Variants in PCGF5 observed in about 807,000 individuals in gnomAD.
PCGF5 encodes the protein polycomb group RING finger protein 5.
Under a neutral mutation model 44.3 loss-of-function variants are expected in PCGF5, and 9 were observed. The ratio of observed to expected loss-of-function variants is 0.20; its 90% CI spans 0.12 to 0.35. The LOEUF (loss-of-function observed/expected upper bound fraction) is 0.35, where lower values mean the gene tolerates loss of function less well. Ranked by LOEUF, PCGF5 falls within the 10% of genes least tolerant of loss-of-function variation. The pLI is 1.00. For missense variants in PCGF5, 146 were observed against 305.3 expected (o/e 0.48, Z 3.89); for synonymous variants, 95 against 102.5 (o/e 0.93, Z 0.44).
chr10:91,246,284 A>T (rs1845458183), intron 3 of PCGF5, among the ~76,000 whole-genome samples: 1 of 152,160 alleles, frequency 6.6e-6, no homozygotes, highest in Non-Finnish European at 1.5e-5. Flanking sequence ...TTTACGAATG[A>T]CCTTGTCTTG....
At chr10:91,206,083 C>G (rs1439246253) in intron 1 of PCGF5, among the ~76,000 whole-genome samples, 2 of 152,140 alleles carry the variant, frequency 1.3e-5, no homozygotes, top group Admixed American at 6.5e-5. Flanking sequence ...TTGGCAACAG[C>G]CTAACAATAA....
chr10:91,196,360 T>C (rs1333528900), intron 1 of PCGF5, among the ~76,000 whole-genome samples: 1 of 152,200 alleles, frequency 6.6e-6, no homozygotes, highest in Non-Finnish European at 1.5e-5. Context: ...GTTTATATAT[T>C]AGACTTTCTA....
At chr10:91,234,392 C>T (rs903172350) in intron 2 of PCGF5, among the ~76,000 whole-genome samples, 3 of 152,194 alleles carry the variant, frequency 2.0e-5, no homozygotes, top group Non-Finnish European at 2.9e-5. Flanking sequence ...CCTCACCCTA[C>T]CCCAGTAAAA....
intron 2 of PCGF5, chr10:91,227,273 G>A (rs1389906355): frequency 2.0e-6 from 1 of 490,444 alleles, no homozygotes; most frequent in African/African-American, 2.0e-5. Flanking sequence ...TGTATTCTGA[G>A]ACTTCAGCTA....
intron 1 of PCGF5, among the ~76,000 whole-genome samples, chr10:91,211,756 T>C (rs1348231143): frequency 1.3e-5 from 2 of 152,152 alleles, no homozygotes; most frequent in African/African-American, 4.8e-5. Context: ...AAGCTAGAGG[T>C]TGGCATTCAC....
chr10:91,277,176 A>G (rs1222939687), intron 9 of PCGF5, among the ~76,000 whole-genome samples: 1 of 152,316 alleles, frequency 6.6e-6, no homozygotes, highest in East Asian at 1.9e-4. Context: ...CTGAATGGTT[A>G]CAGATTCCAA....
At chr10:91,237,568 C>T (rs1017776121) in intron 2 of PCGF5, among the ~76,000 whole-genome samples, 1 of 152,104 alleles carries the variant, frequency 6.6e-6, no homozygotes, top group African/African-American at 2.4e-5. Context: ...CATGGCGAAA[C>T]CCCGTCTCTA....
At chr10:91,247,050 C>T (rs771771767) in intron 3 of PCGF5, among the ~76,000 whole-genome samples, 2 of 151,558 alleles carry the variant, frequency 1.3e-5, no homozygotes, top group Non-Finnish European at 2.9e-5. Context: ...TTTGAAGCCA[C>T]AAAAGCAGAT....
At chr10:91,166,307 G>T (rs969207086) in intron 1 of PCGF5, among the ~76,000 whole-genome samples, 3 of 152,140 alleles carry the variant, frequency 2.0e-5, no homozygotes, top group Non-Finnish European at 4.4e-5. Flanking sequence ...ATTCACCTTT[G>T]TATCCTCCCA....
chr10:91,227,189 A>C (rs1844864912), intron 2 of PCGF5: 1 of 378,100 alleles, frequency 2.6e-6, no homozygotes, highest in Non-Finnish European at 5.1e-6. Flanking sequence ...TATTGAGCAA[A>C]CTTATATGCC....
At chr10:91,266,952 C>G (rs1245019163) in intron 8 of PCGF5, among the ~76,000 whole-genome samples, 3 of 152,178 alleles carry the variant, frequency 2.0e-5, no homozygotes, top group African/African-American at 7.2e-5. Flanking sequence ...CCTCACACAG[C>G]AGCCAGCGTG....
intron 2 of PCGF5, among the ~76,000 whole-genome samples, chr10:91,229,145 T>C (rs1446214236): frequency 1.3e-5 from 2 of 152,180 alleles, no homozygotes; most frequent in South Asian, 4.1e-4. Context: ...CAAGAACCCT[T>C]CTAGTTAGGT....
chr10:91,166,250 T>C (rs1428466118), intron 1 of PCGF5, among the ~76,000 whole-genome samples: 1 of 152,238 alleles, frequency 6.6e-6, no homozygotes. Flanking sequence ...CATTAGTTGA[T>C]TGTCTGCCTT....
In PCGF5 at chr10:91,278,269, T is replaced by C. The variant is rs779153610; in HGVS notation, c.724T>C (p.Ser242Pro). ...TTTATTATCTGTCTTTATTTTGTAG[T>C]CATACCCTATGGTACTGCAGTATCG... Reference protein sequence around the residue: ...VCSQDGPLYQSYPMVLQYRPR... With the variant: ...VCSQDGPLYQPYPMVLQYRPR... Residue 242 changes from serine to proline, a missense_variant and splice_region_variant, in exon 10 of 10, where the codon TCA becomes CCA. By Grantham distance (74) the Ser-to-Pro change is moderately conservative. Transcript: ENST00000336126. 2.5e-6 allele frequency: 4 copies of C among 1,607,446 alleles called. No homozygotes were observed. In the South Asian group the frequency reaches 3.3e-5, roughly 13 times the overall value.
At chr10:91,275,614 T>C (rs1168964274) in intron 9 of PCGF5, among the ~76,000 whole-genome samples, 1 of 150,340 alleles carries the variant, frequency 6.7e-6, no homozygotes, top group East Asian at 1.9e-4. Context: ...CTAATTTTTT[T>C]TTTTTTTTTT....
intron 6 of PCGF5, among the ~76,000 whole-genome samples, chr10:91,252,636 G>A (rs974429106): frequency 4.6e-5 from 7 of 152,006 alleles, no homozygotes; most frequent in African/African-American, 1.7e-4. Flanking sequence ...TATCCTTACA[G>A]TATTTTCAGT....
chr10:91,174,478 G>T (rs892228820), intron 1 of PCGF5, among the ~76,000 whole-genome samples: 1 of 152,164 alleles, frequency 6.6e-6, no homozygotes, highest in African/African-American at 2.4e-5. Context: ...TTGTACTCCA[G>T]CATGGGCAAC....
intron 1 of PCGF5, among the ~76,000 whole-genome samples, chr10:91,164,164 C>T (rs553760743): frequency 1.1e-4 from 16 of 152,318 alleles, no homozygotes; most frequent in African/African-American, 3.6e-4. Flanking sequence ...AGAGTGGCCC[C>T]TCTGCAGTGA....
intron 9 of PCGF5, among the ~76,000 whole-genome samples, chr10:91,275,311 A>G (rs1846279789): frequency 6.6e-6 from 1 of 152,188 alleles, no homozygotes; most frequent in Non-Finnish European, 1.5e-5. Context: ...AGAAATGAAA[A>G]AAAAATACTA....
Sources: allele counts gnomAD v4.1 joint callset (sites outside exome capture counted in the v4.1 genomes callset), GRCh38; gene constraint gnomAD v4.1.1; transcripts MANE v1.5; gene names NCBI Gene and HGNC (gene_info 2026-07-23, HGNC 2026-07-21).